The following PRKCA variants were observed in gnomAD, a reference collection of about 807,000 sequenced individuals.
PRKCA encodes the protein protein kinase C alpha, also known as protein kinase C alpha type.
Under a neutral mutation model 87.0 loss-of-function variants are expected in PRKCA, and 27 were observed. The observed-to-expected ratio is 0.31, with a 90% CI of 0.23 to 0.43. The LOEUF is 0.43. Ranked by LOEUF, PRKCA falls within the 20% of genes least tolerant of loss-of-function variation. The probability of loss-of-function intolerance (pLI) is 1.00; values close to 1 mark genes in which losing one functional copy is unlikely to be tolerated. For synonymous variants in PRKCA, 329 were observed against 311.1 expected (o/e 1.06, Z -0.61); for missense variants, 518 against 852.3 (o/e 0.61, Z 4.88).
chr17:66,558,089 G>A (rs116102448), intron 3 of PRKCA, among the ~76,000 whole-genome samples: 109 of 152,346 alleles, frequency 7.2e-4, no homozygotes, highest in African/African-American at 2.5e-3. Flanking sequence ...TACGGGAATA[G>A]CTGTACATTC....
chr17:66,484,618 A>G (rs1378113825), intron 2 of PRKCA, among the ~76,000 whole-genome samples: 2 of 152,222 alleles, frequency 1.3e-5, no homozygotes, highest in East Asian at 3.8e-4. Context: ...CCACATTTGT[A>G]AAATCCAATC....
At chr17:66,552,848 G>A (rs184635782) in intron 3 of PRKCA, among the ~76,000 whole-genome samples, 31 of 152,206 alleles carry the variant, frequency 2.0e-4, no homozygotes, top group Admixed American at 1.5e-3. Flanking sequence ...GCCGCCTCCC[G>A]CCATGTATGA....
At chr17:66,574,177 A>G (rs1184039378) in intron 3 of PRKCA, among the ~76,000 whole-genome samples, 1 of 152,202 alleles carries the variant, frequency 6.6e-6, no homozygotes, top group African/African-American at 2.4e-5. Context: ...TTTACTGTTT[A>G]TAATCTTGAT....
intron 5 of PRKCA, among the ~76,000 whole-genome samples, chr17:66,686,410 T>C (rs1972629367): frequency 6.6e-6 from 1 of 152,144 alleles, no homozygotes; most frequent in African/African-American, 2.4e-5. Flanking sequence ...TCCCAGGTGA[T>C]ATAGATGCTG....
chr17:66,532,527 G>A (rs1345308691), intron 3 of PRKCA, among the ~76,000 whole-genome samples: 6 of 151,666 alleles, frequency 4.0e-5, no homozygotes, highest in Admixed American at 1.3e-4. Flanking sequence ...CACCATGCCC[G>A]ACTAATTTTT....
chr17:66,586,913 C>T (rs753209673), intron 3 of PRKCA, among the ~76,000 whole-genome samples: 1 of 152,180 alleles, frequency 6.6e-6, no homozygotes, highest in Non-Finnish European at 1.5e-5. Context: ...GCTGCACAGA[C>T]ACAGGTGAGG....
chr17:66,625,873 C>T (rs547433688), intron 3 of PRKCA, among the ~76,000 whole-genome samples: 7 of 152,142 alleles, frequency 4.6e-5, no homozygotes, highest in East Asian at 1.9e-4. Flanking sequence ...CCTGAACCTC[C>T]GTCTCTTCAT....
chr17:66,348,417 G>T (rs1002955496), intron 2 of PRKCA, among the ~76,000 whole-genome samples: 1 of 152,108 alleles, frequency 6.6e-6, no homozygotes, highest in Non-Finnish European at 1.5e-5. Flanking sequence ...CATTGCTCTT[G>T]CACCATCAGT....
At chr17:66,739,141 C>T (rs547682640) in intron 11 of PRKCA, among the ~76,000 whole-genome samples, 1 of 152,124 alleles carries the variant, frequency 6.6e-6, no homozygotes, top group Non-Finnish European at 1.5e-5. Context: ...CTCGGCCTCC[C>T]AAAGTGCGGG....
chr17:66,602,909 C>T lies in PRKCA; in HGVS notation c.289-38446C>T, dbSNP rs149248991. ...GCCTCTCCTCTTCCGGGGCGGTAACCGGGGATTCAGTCTGTGAGGCGGGAA... is the reference window on the plus strand; with the variant it reads ...GCCTCTCCTCTTCCGGGGCGGTAACTGGGGATTCAGTCTGTGAGGCGGGAA... On this transcript the variant is annotated intron_variant, in intron 3 of 16. Transcript: ENST00000413366. Among the ~76,000 whole-genome samples, 94 of 152,242 alleles carry T rather than the reference C, an allele frequency of 6.2e-4. No individual in the cohort carries two copies. The East Asian group carries it at 0.014, about 23-fold the overall frequency.
chr17:66,392,241 A>G (rs561012352), intron 2 of PRKCA, among the ~76,000 whole-genome samples: 1 of 151,768 alleles, frequency 6.6e-6, no homozygotes, highest in African/African-American at 2.4e-5. Context: ...ACAACAACAA[A>G]AAAAAAAATG....
At chr17:66,331,814 G>T (rs1049427813) in intron 2 of PRKCA, among the ~76,000 whole-genome samples, 1 of 152,166 alleles carries the variant, frequency 6.6e-6, no homozygotes, top group Non-Finnish European at 1.5e-5. Flanking sequence ...TGCCCCATCT[G>T]TATTATCTTT....
intron 10 of PRKCA, among the ~76,000 whole-genome samples, chr17:66,738,335 C>T (rs34757795): frequency 1.3e-5 from 2 of 152,188 alleles, no homozygotes; most frequent in Admixed American, 6.5e-5. Flanking sequence ...TAGTATGGCA[C>T]GCCTCCCAGA....
chr17:66,733,078 G>A (rs551188756), intron 9 of PRKCA, among the ~76,000 whole-genome samples: 75 of 151,316 alleles, frequency 5.0e-4, no homozygotes, highest in Admixed American at 4.0e-3. Flanking sequence ...GTGAACCTGG[G>A]AGGCGGAGCT....
rs145092608 is a variant in PRKCA, at chr17:66,800,932, A to G, written c.1855-2941A>G. On this transcript the variant is annotated intron_variant, in intron 16 of 16. Coordinates refer to ENST00000413366, the MANE Select transcript of PRKCA (RefSeq NM_002737.3). ...TTAGTGAGTATCAAGAGAAGCACAG[A>G]TGATCTCTCATTAAAGGAGCACACA... Among the ~76,000 whole-genome samples, 5 of 152,340 alleles carry G rather than the reference A, an allele frequency of 3.3e-5. No homozygotes were observed. The East Asian group carries it at 9.6e-4, about 29-fold the overall frequency.
At chr17:66,657,913 C>T (rs1971780422) in intron 5 of PRKCA, among the ~76,000 whole-genome samples, 1 of 152,160 alleles carries the variant, frequency 6.6e-6, no homozygotes, top group African/African-American at 2.4e-5. Flanking sequence ...AGAAAGAATA[C>T]AGCAGGCTTG....
rs1976021001 is a variant in PRKCA, at chr17:66,805,844, C to T, written c.*1807C>T. The stretch of plus-strand genomic sequence containing the variant: ...CCCTTCAGCCTGTGACTGTTGCTGA[C>T]TCCAGGGGTGGGAGGGATGGGGAGA... On this transcript the variant is annotated 3_prime_UTR_variant, in exon 17 of 17. Transcript: ENST00000413366. 1 of 151,572 alleles carries T rather than the reference C, an allele frequency of 6.6e-6. No individual in the cohort carries two copies. The highest frequency in any genetic ancestry group is 2.4e-5 in the African/African-American group (1 of 41,274). 9.4% of individuals were successfully genotyped at this position (151,572 alleles called of 1,614,324 possible).
chr17:66,543,160 A>G (rs2143147762), intron 3 of PRKCA, among the ~76,000 whole-genome samples: 1 of 152,280 alleles, frequency 6.6e-6, no homozygotes, highest in Non-Finnish European at 1.5e-5. Context: ...TAATCAACTT[A>G]TTTTCTTCCG....
chr17:66,664,960 A>T (rs1972007105), intron 5 of PRKCA, among the ~76,000 whole-genome samples: 1 of 151,884 alleles, frequency 6.6e-6, no homozygotes, highest in Non-Finnish European at 1.5e-5. Flanking sequence ...TTATATGCCA[A>T]CCCTGAAAGC....
Sources: allele counts gnomAD v4.1 joint callset (sites outside exome capture counted in the v4.1 genomes callset), GRCh38; gene constraint gnomAD v4.1.1; transcripts MANE v1.5; gene names NCBI Gene and HGNC (gene_info 2026-07-23, HGNC 2026-07-21).